Variants in PTPRD observed in about 807,000 individuals in gnomAD.
The protein encoded by PTPRD is receptor-type tyrosine-protein phosphatase delta.
PTPRD carries 34 observed loss-of-function variants against 214.5 expected under a neutral mutation model. The ratio of observed to expected loss-of-function variants is 0.16; its 90% CI spans 0.12 to 0.21. The LOEUF (loss-of-function observed/expected upper bound fraction) is 0.21, where lower values mean the gene tolerates loss of function less well. Among genes scored for constraint, PTPRD ranks in the 10% least tolerant of loss-of-function variants. The probability of loss-of-function intolerance (pLI) is 1.00; values close to 1 mark genes in which losing one functional copy is unlikely to be tolerated. For synonymous variants in PTPRD, 1,128 were observed against 845.7 expected (o/e 1.33, Z -5.79); for missense variants, 2,545 against 2,398.7 (o/e 1.06, Z -1.27).
At chr9:9,516,508 T>C (rs1206023049) in intron 8 of PTPRD, among the ~76,000 whole-genome samples, 1 of 150,120 alleles carries the variant, frequency 6.7e-6, no homozygotes, top group Non-Finnish European at 1.5e-5. Context: ...AAAATATATA[T>C]ACATATATAT....
At chr9:10,236,864 T>G (rs16925583) in intron 3 of PTPRD, among the ~76,000 whole-genome samples, 11,981 of 151,986 alleles carry the variant, frequency 0.079, 631 homozygotes, top group East Asian at 0.17. Flanking sequence ...TTTTTGTTTA[T>G]AACTGACCAT....
chr9:9,330,159 C>G (rs950445371), intron 9 of PTPRD, among the ~76,000 whole-genome samples: 3 of 152,102 alleles, frequency 2.0e-5, no homozygotes, highest in Admixed American at 6.6e-5. Flanking sequence ...CCCCCTGCTT[C>G]TCTTTTCTCC....
At chr9:10,200,214 A>G (rs780676710) in intron 3 of PTPRD, among the ~76,000 whole-genome samples, 1 of 152,066 alleles carries the variant, frequency 6.6e-6, no homozygotes, top group East Asian at 1.9e-4. Flanking sequence ...ACCAAGAAAA[A>G]TTGTCTTTCT....
chr9:8,806,985 A>C (rs1473525867), intron 11 of PTPRD, among the ~76,000 whole-genome samples: 1 of 152,204 alleles, frequency 6.6e-6, no homozygotes, highest in Admixed American at 6.5e-5. Flanking sequence ...CCTTTGTTCC[A>C]TCACAATTAC....
intron 3 of PTPRD, among the ~76,000 whole-genome samples, chr9:10,106,534 G>T (rs2098634679): frequency 6.6e-6 from 1 of 151,860 alleles, no homozygotes. Context: ...CACACAGAAA[G>T]TTCTAAACAA....
intron 3 of PTPRD, among the ~76,000 whole-genome samples, chr9:10,125,550 G>A (rs764611982): frequency 9.3e-5 from 14 of 150,724 alleles, no homozygotes; most frequent in Non-Finnish European, 1.5e-4. Context: ...TGCCTCCCAG[G>A]TTCAAGCGAT....
Position 9,021,713 on chromosome 9 carries a change from A to G in PTPRD, c.-142-2978T>C, listed in dbSNP as rs548655218. 5.9e-5 allele frequency among the ~76,000 whole-genome samples: 9 copies of G among 152,232 alleles called. No individual in the cohort carries two copies. In the South Asian group the frequency reaches 1.9e-3, roughly 32 times the overall value. Reference sequence around the variant, plus strand: ...GTTACTGATGACTCTTACCATGTGTAGGCCTAGACTAATGTGTGTGTTTGT... The same window carrying G: ...GTTACTGATGACTCTTACCATGTGTGGGCCTAGACTAATGTGTGTGTTTGT... On this transcript the variant is annotated intron_variant, in intron 10 of 45. Transcript: ENST00000381196.
chr9:9,775,817 A>G (rs2821502), intron 5 of PTPRD, among the ~76,000 whole-genome samples: 70,833 of 151,436 alleles, frequency 0.47, 16,911 homozygotes, highest in East Asian at 0.7. Flanking sequence ...ATAGCCGGGC[A>G]TGGTGGCGGA....
intron 3 of PTPRD, among the ~76,000 whole-genome samples, chr9:10,038,987 A>T (rs1427047792): frequency 6.6e-6 from 1 of 152,034 alleles, no homozygotes; most frequent in Non-Finnish European, 1.5e-5. Flanking sequence ...TGTTGCTTAC[A>T]GTGAGTCTAG....
intron 14 of PTPRD, among the ~76,000 whole-genome samples, chr9:8,621,983 A>G (rs900555513): frequency 2.0e-5 from 3 of 151,972 alleles, no homozygotes; most frequent in Non-Finnish European, 4.4e-5. Flanking sequence ...ATATTTTATT[A>G]CAAAAATCAA....
At chr9:8,743,299 C>T (rs900460260) in intron 11 of PTPRD, among the ~76,000 whole-genome samples, 1 of 152,130 alleles carries the variant, frequency 6.6e-6, no homozygotes, top group Non-Finnish European at 1.5e-5. Context: ...GTTTAGTTCA[C>T]AGGCTTAGGC....
At chr9:9,060,484 AATTAG>A (rs1324648812) in intron 10 of PTPRD, among the ~76,000 whole-genome samples, 2 of 152,156 alleles carry the variant, frequency 1.3e-5, no homozygotes, top group African/African-American at 4.8e-5. Context: ...AAACATAAAA[AATTAG>A]ATTAATTTAA....
At chr9:8,392,355 G>A (rs2089889689) in intron 36 of PTPRD, among the ~76,000 whole-genome samples, 1 of 152,006 alleles carries the variant, frequency 6.6e-6, no homozygotes, top group African/African-American at 2.4e-5. Context: ...AAGAGACCCT[G>A]TCTCTACAAA....
At chr9:8,995,489 A>G (rs1206375269) in intron 11 of PTPRD, among the ~76,000 whole-genome samples, 1 of 152,030 alleles carries the variant, frequency 6.6e-6, no homozygotes, top group East Asian at 1.9e-4. Context: ...AAATTTCCAC[A>G]GTGGGTCACT....
intron 6 of PTPRD, among the ~76,000 whole-genome samples, chr9:9,746,208 G>A (rs775254913): frequency 6.6e-6 from 1 of 152,078 alleles, no homozygotes; most frequent in Non-Finnish European, 1.5e-5. Flanking sequence ...TGATCTTAAA[G>A]GGTAAGCTAA....
chr9:10,507,402 C>T (rs778551425), intron 2 of PTPRD, among the ~76,000 whole-genome samples: 2 of 152,052 alleles, frequency 1.3e-5, no homozygotes, highest in Admixed American at 1.3e-4. Flanking sequence ...CAATGCCATC[C>T]CCATCAAGCT....
At chr9:9,160,851 A>C (rs2099886942) in intron 10 of PTPRD, among the ~76,000 whole-genome samples, 1 of 152,190 alleles carries the variant, frequency 6.6e-6, no homozygotes, top group East Asian at 1.9e-4. Context: ...TGGCTCGAAA[A>C]GAAGGAAATT....
At chr9:10,239,934 C>T (rs1032488888) in intron 3 of PTPRD, among the ~76,000 whole-genome samples, 1 of 151,702 alleles carries the variant, frequency 6.6e-6, no homozygotes, top group Non-Finnish European at 1.5e-5. Context: ...AAAAATATTA[C>T]TCTAACCTCT....
chr9:8,772,682 A>G (rs2095285439), intron 11 of PTPRD, among the ~76,000 whole-genome samples: 1 of 152,176 alleles, frequency 6.6e-6, no homozygotes, highest in Non-Finnish European at 1.5e-5. Flanking sequence ...AACTTGTTTT[A>G]ATGTTCTTGT....
Sources: gnomAD v4.1 joint callset for allele counts (sites outside exome capture counted in the v4.1 genomes callset) on GRCh38, gnomAD v4.1.1 for gene constraint, MANE v1.5 for transcripts, NCBI Gene and HGNC (gene_info 2026-07-23, HGNC 2026-07-21) for gene names.